Variants in ANKRD31 observed in about 807,000 individuals in gnomAD.
ANKRD31 encodes ankyrin repeat domain 31, also known as ankyrin repeat domain-containing protein 31.
A neutral mutation model predicts 186.0 loss-of-function variants in ANKRD31; 147 were observed. That is an observed-to-expected ratio of 0.79 (90% CI 0.69 to 0.91). The LOEUF (loss-of-function observed/expected upper bound fraction) is 0.91. Among genes scored for constraint, ANKRD31 ranks in the 40% least tolerant of loss-of-function variants. The probability of loss-of-function intolerance (pLI) is 0.00; values close to 1 mark genes in which losing one functional copy is unlikely to be tolerated. For synonymous variants in ANKRD31, 673 were observed against 736.4 expected, an observed-to-expected ratio of 0.91 and a Z score of 1.39; for missense variants, 1,986 against 2,148.8, an observed-to-expected ratio of 0.92 and a Z score of 1.50.
rs1195410665 is a variant in ANKRD31, at chr5:75,154,276, C to T, written c.1777G>A (p.Asp593Asn). ...TTCATACATAAATCCTTGGCCTCATCCAAAGCACATTTTCCATCATCATTT... is the reference window on the plus strand; with the variant it reads ...TTCATACATAAATCCTTGGCCTCATTCAAAGCACATTTTCCATCATCATTT... Reference protein sequence around the residue: ...FRNDDGKCALDEAKDLCMKRL... With the variant: ...FRNDDGKCALNEAKDLCMKRL... The change falls in exon 12 of 26, where the codon GAT (aspartate) becomes AAT (asparagine). Residue 593 changes from aspartate (D) to asparagine (N), a missense_variant. By Grantham distance (23) the Asp-to-Asn change is conservative. Coordinates refer to ENST00000506364, the MANE Select transcript of ANKRD31 (RefSeq NM_001372053.1). 6.5e-7 allele frequency: 1 copy of T among 1,535,838 alleles called. No homozygotes were observed. The highest frequency in any genetic ancestry group is 8.7e-7 in the Non-Finnish European group (1 of 1,146,104).
chr5:75,154,240 C>G lies in ANKRD31; in HGVS notation c.1813G>C (p.Glu605Gln). Reference protein sequence around the residue: ...AKDLCMKRLLERYIPKHQKCL... With the variant: ...AKDLCMKRLLQRYIPKHQKCL... ...TTTTGATGTTTAGGGATATATCTCT[C>G]AAGGAGACGCTTCATACATAAATCC... The change falls in exon 12 of 26, where the codon GAG becomes CAG. Residue 605 changes from glutamate to glutamine, a missense_variant. Physicochemically the swap from Glu to Gln is conservative, Grantham distance 29. Transcript: ENST00000506364. 1 of 1,532,476 alleles carries G rather than the reference C, an allele frequency of 6.5e-7. No individual in the cohort carries two copies. The highest frequency in any genetic ancestry group is 1.2e-5 in the South Asian group (1 of 83,128). 94.9% of individuals were successfully genotyped at this position (1,532,476 alleles called of 1,614,324 possible). A position where few individuals can be genotyped will look rare whatever the true frequency, so the allele number is the denominator to read the frequency against.
chr5:75,215,023 G>A (rs184172977), intron 3 of ANKRD31, among the ~76,000 whole-genome samples: 3 of 152,234 alleles, frequency 2.0e-5, no homozygotes, highest in Non-Finnish European at 2.9e-5. Context: ...GTGACCTGTC[G>A]GGCTCGAGAC....
chr5:75,135,883 C>T (rs1360572690), intron 17 of ANKRD31, among the ~76,000 whole-genome samples: 1 of 152,198 alleles, frequency 6.6e-6, no homozygotes, highest in Non-Finnish European at 1.5e-5. Context: ...ATGATCTGAT[C>T]TTTGACAAAC....
chr5:75,092,884 A>G (rs1746031136), intron 22 of ANKRD31, among the ~76,000 whole-genome samples: 2 of 152,216 alleles, frequency 1.3e-5, no homozygotes, highest in South Asian at 4.1e-4. Flanking sequence ...AGGTCACATC[A>G]AATACAGAAT....
At chr5:75,112,215 C>T (rs1006468034) in intron 20 of ANKRD31, among the ~76,000 whole-genome samples, 13 of 152,064 alleles carry the variant, frequency 8.5e-5, no homozygotes, top group African/African-American at 1.4e-4. Context: ...CTCAGCCTCC[C>T]GAGTAGCTGG....
intron 25 of ANKRD31, among the ~76,000 whole-genome samples, chr5:75,075,408 T>C (rs1343894898): frequency 6.6e-6 from 1 of 152,222 alleles, no homozygotes; most frequent in Non-Finnish European, 1.5e-5. Flanking sequence ...TATTGCACAA[T>C]TGCCTAGCAC....
At chr5:75,119,253 C>G (rs551818608) in intron 17 of ANKRD31, among the ~76,000 whole-genome samples, 243 of 152,250 alleles carry the variant, frequency 1.6e-3, no homozygotes, top group African/African-American at 4.9e-3. Flanking sequence ...GCCGTCCTCC[C>G]TCTCTCCCCT....
At chr5:75,236,524 A>C in intron 1 of ANKRD31, 59 bp downstream of exon 1, 1 of 1,439,194 alleles carries the variant, frequency 6.9e-7, no homozygotes, top group Non-Finnish European at 9.4e-7. Context: ...ACCCCCTCAG[A>C]GGGCACCTGG....
chr5:75,084,885 GGTT>G (rs1401937885), intron 23 of ANKRD31, among the ~76,000 whole-genome samples: 2 of 151,628 alleles, frequency 1.3e-5, no homozygotes, highest in African/African-American at 4.8e-5. Flanking sequence ...CATTTTTTTT[GGTT>G]GTTTGTGAAC....
At chr5:75,124,863 G>A (rs142236241) in intron 17 of ANKRD31, among the ~76,000 whole-genome samples, 3 of 152,142 alleles carry the variant, frequency 2.0e-5, no homozygotes, top group Admixed American at 6.5e-5. Context: ...TAATTAATGA[G>A]TGCAATGTAC....
At chr5:75,135,440 C>A (rs955560971) in intron 17 of ANKRD31, among the ~76,000 whole-genome samples, 3 of 152,096 alleles carry the variant, frequency 2.0e-5, no homozygotes, top group Admixed American at 6.5e-5. Context: ...AATAAAATAC[C>A]TAGGAATCCA....
intron 15 of ANKRD31, among the ~76,000 whole-genome samples, chr5:75,140,234 AGAAG>A (rs146909283): frequency 0.018 from 1,813 of 101,784 alleles, 22 homozygotes; most frequent in South Asian, 0.072. Flanking sequence ...AAAGAAAGAA[AGAAG>A]GAAGGAAGGA....
Position 75,158,232 on chromosome 5 carries a change from T to C in ANKRD31, c.1708-3887A>G, listed in dbSNP as rs1202782598. The stretch of plus-strand genomic sequence containing the variant: ...GATCCAACAGTAAAATGTAAAAATC[T>C]TTCTGATTCAGGAAGGTTAAACACA... On this transcript the variant is annotated intron_variant, in intron 11 of 25. Transcript: ENST00000506364. Among the ~76,000 whole-genome samples the C allele has an allele frequency of 4.6e-5, 7 of 152,208 alleles. No homozygotes were observed. In the East Asian group the frequency reaches 1.3e-3, roughly 29 times the overall value.
intron 25 of ANKRD31, among the ~76,000 whole-genome samples, chr5:75,078,191 C>T (rs1433556897): frequency 1.3e-5 from 2 of 152,156 alleles, no homozygotes; most frequent in African/African-American, 4.8e-5. Flanking sequence ...AATAAACACC[C>T]TATGCACTGT....
Position 75,104,296 on chromosome 5 carries a change from G to GA in ANKRD31, c.5262dup (p.Gln1755SerfsTer12). On this transcript the variant is annotated frameshift_variant, in exon 22 of 26. Transcript: ENST00000506364. LOFTEE classifies it high-confidence loss of function. The stretch of plus-strand genomic sequence containing the variant: ...CCTAGTAATATCAAATCTTTTATCT[G>GA]AATACATTTCTTTTTAGGAGCTGTA... 1 of 1,535,578 alleles carries GA rather than the reference G, an allele frequency of 6.5e-7. No homozygotes were observed. Among genetic ancestry groups the GA allele is most frequent in the Non-Finnish European group, 8.7e-7 (1 of 1,146,030 alleles).
chr5:75,163,434 C>T (rs553024343), intron 11 of ANKRD31, among the ~76,000 whole-genome samples: 2 of 152,280 alleles, frequency 1.3e-5, no homozygotes, highest in Admixed American at 6.5e-5. Context: ...TGTGGATGTG[C>T]TTGCATGAAG....
intron 5 of ANKRD31, among the ~76,000 whole-genome samples, chr5:75,204,997 C>T (rs1021312617): frequency 6.6e-6 from 1 of 152,126 alleles, no homozygotes; most frequent in Non-Finnish European, 1.5e-5. Context: ...CTCAGCGCAG[C>T]TGAGACTATA....
chr5:75,141,114 A>T (rs1212471248), intron 15 of ANKRD31, among the ~76,000 whole-genome samples: 2 of 152,192 alleles, frequency 1.3e-5, no homozygotes, highest in African/African-American at 4.8e-5. Context: ...CTTTGGGACA[A>T]TCTTCTTGCT....
chr5:75,151,887 C>T (rs527304398), intron 12 of ANKRD31, among the ~76,000 whole-genome samples: 5 of 152,098 alleles, frequency 3.3e-5, no homozygotes, highest in South Asian at 4.1e-4. Flanking sequence ...CATTCTTCAT[C>T]GTAATTGCTG....
Sources: gnomAD v4.1 joint callset for allele counts (sites outside exome capture counted in the v4.1 genomes callset) on GRCh38, gnomAD v4.1.1 for gene constraint, MANE v1.5 for transcripts, NCBI Gene and HGNC (gene_info 2026-07-23, HGNC 2026-07-21) for gene names.